The following SLC39A11 variants were observed in gnomAD, a reference collection of about 807,000 sequenced individuals.
The protein encoded by SLC39A11 is solute carrier family 39 member 11, also known as zinc transporter ZIP11.
Under a neutral mutation model 36.1 loss-of-function variants are expected in SLC39A11, and 33 were observed. That is an observed-to-expected ratio of 0.91 (90% CI 0.69 to 1.22). SLC39A11 has a LOEUF of 1.22. Among genes scored for constraint, SLC39A11 ranks in the 50% most tolerant of loss-of-function variants. The probability of loss-of-function intolerance (pLI) is 0.00; values close to 1 mark genes in which losing one functional copy is unlikely to be tolerated. For missense variants in SLC39A11, 432 were observed against 430.3 expected, an observed-to-expected ratio of 1.00 and a Z score of -0.03; for synonymous variants, 166 against 170.3, an observed-to-expected ratio of 0.97 and a Z score of 0.20.
At chr17:73,088,928 C>G (rs2060834095) in intron 1 of SLC39A11, among the ~76,000 whole-genome samples, 153 bp from the exon 2 acceptor site, 1 of 152,190 alleles carries the variant, frequency 6.6e-6, no homozygotes, top group Admixed American at 6.5e-5. Context: ...CCCTCAGCCA[C>G]CCAGCACACA....
At chr17:73,026,200 G>GAAAAGAGAAGAGAAGAGAAGAGAAGA (rs1555683108) in intron 4 of SLC39A11, among the ~76,000 whole-genome samples, 1 of 126,926 alleles carries the variant, frequency 7.9e-6, no homozygotes, top group Admixed American at 8.5e-5. Flanking sequence ...AGAAGAGAAG[G>GAAAAGAGAAGAGAAGAGAAGAGAAGA]GAAGAGAAGA....
intron 4 of SLC39A11, among the ~76,000 whole-genome samples, chr17:72,992,106 C>G (rs1427449728): frequency 6.6e-6 from 1 of 152,184 alleles, no homozygotes; most frequent in Admixed American, 6.5e-5. Context: ...AATCCCAGCA[C>G]TTTGGGAGGC....
At chr17:73,026,628 G>A (rs1390526921) in intron 4 of SLC39A11, among the ~76,000 whole-genome samples, 1 of 152,000 alleles carries the variant, frequency 6.6e-6, no homozygotes, top group African/African-American at 2.4e-5. Flanking sequence ...TGGTTGGTCT[G>A]GGGGAAAAGA....
At chr17:72,675,851 G>T (rs1021426312) in intron 7 of SLC39A11, among the ~76,000 whole-genome samples, 1 of 152,114 alleles carries the variant, frequency 6.6e-6, no homozygotes, top group Non-Finnish European at 1.5e-5. Flanking sequence ...GGCTAATTTT[G>T]TATTTTTAGT....
intron 7 of SLC39A11, among the ~76,000 whole-genome samples, chr17:72,685,897 G>T (rs543156288): frequency 1.3e-5 from 2 of 152,146 alleles, no homozygotes; most frequent in Admixed American, 1.3e-4. Flanking sequence ...TTAGCCAGGC[G>T]TGGTGGTATA....
intron 3 of SLC39A11, among the ~76,000 whole-genome samples, chr17:73,059,911 G>C (rs980362615): frequency 1.3e-5 from 2 of 152,006 alleles, no homozygotes; most frequent in Admixed American, 6.6e-5. Flanking sequence ...TCATGTGAAA[G>C]AAATTTTATT....
intron 7 of SLC39A11, among the ~76,000 whole-genome samples, chr17:72,733,106 C>T (rs751297626): frequency 1.3e-5 from 2 of 152,196 alleles, no homozygotes; most frequent in Admixed American, 6.5e-5. Context: ...GGCAAGGGCA[C>T]GGCTCCATCC....
chr17:72,752,762 C>T (rs947512998), intron 6 of SLC39A11, among the ~76,000 whole-genome samples: 1 of 152,150 alleles, frequency 6.6e-6, no homozygotes, highest in Non-Finnish European at 1.5e-5. Context: ...AAGTCTGATG[C>T]TAATTCCATT....
intron 7 of SLC39A11, among the ~76,000 whole-genome samples, chr17:72,695,679 T>C (rs1353058475): frequency 2.0e-5 from 3 of 152,190 alleles, no homozygotes; most frequent in African/African-American, 4.8e-5. Context: ...TTCTAGATTA[T>C]CTAGGTGGGC....
intron 7 of SLC39A11, among the ~76,000 whole-genome samples, chr17:72,699,701 G>C (rs1478026837): frequency 2.0e-5 from 3 of 152,256 alleles, no homozygotes; most frequent in Non-Finnish European, 2.9e-5. Flanking sequence ...TCTGGGGACA[G>C]AGCAACCCTG....
intron 7 of SLC39A11, among the ~76,000 whole-genome samples, chr17:72,669,733 C>G (rs2070910923): frequency 6.6e-6 from 1 of 151,982 alleles, no homozygotes; most frequent in Admixed American, 6.6e-5. Context: ...GTGGCTTAAG[C>G]CTGTAATCCT....
intron 7 of SLC39A11, among the ~76,000 whole-genome samples, chr17:72,705,609 G>A (rs1358008804): frequency 6.6e-6 from 1 of 152,156 alleles, no homozygotes; most frequent in Non-Finnish European, 1.5e-5. Flanking sequence ...CAGACAGAGG[G>A]CTACCTAACT....
At chr17:73,075,719 G>C (rs564741956) in intron 3 of SLC39A11, among the ~76,000 whole-genome samples, 2 of 152,146 alleles carry the variant, frequency 1.3e-5, no homozygotes, top group Admixed American at 6.5e-5. Flanking sequence ...TAGGCGTGGT[G>C]GTGGGTGCCT....
At chr17:72,909,750 C>CTTTTTTTTT (rs56091262) in intron 5 of SLC39A11, among the ~76,000 whole-genome samples, 1 of 144,654 alleles carries the variant, frequency 6.9e-6, no homozygotes. Flanking sequence ...TTTCTTTTTT[C>CTTTTTTTTT]TTTTTTTTTT....
intron 6 of SLC39A11, among the ~76,000 whole-genome samples, chr17:72,741,939 C>T (rs369472183): frequency 2.6e-5 from 4 of 152,070 alleles, no homozygotes; most frequent in East Asian, 1.9e-4. Flanking sequence ...GTGGCTCCCG[C>T]GCCTGTAATC....
intron 3 of SLC39A11, among the ~76,000 whole-genome samples, chr17:73,049,979 C>T (rs1267168602): frequency 1.3e-5 from 2 of 152,010 alleles, no homozygotes; most frequent in Admixed American, 1.3e-4. Context: ...AAAAATTAGC[C>T]GGGCGGAGTG....
chr17:72,721,043 G>C (rs2073643000), intron 7 of SLC39A11, among the ~76,000 whole-genome samples: 1 of 150,910 alleles, frequency 6.6e-6, no homozygotes, highest in South Asian at 2.1e-4. Context: ...TAGGTTCTGG[G>C]GCCAGAGACT....
intron 4 of SLC39A11, among the ~76,000 whole-genome samples, chr17:72,954,041 A>T (rs905231567): frequency 2.6e-5 from 4 of 151,892 alleles, no homozygotes; most frequent in Non-Finnish European, 4.4e-5. Context: ...TCGTTTTTTT[A>T]AATTTTGTAT....
intron 7 of SLC39A11, among the ~76,000 whole-genome samples, chr17:72,728,753 AC>A (rs943877997): frequency 3.3e-5 from 5 of 152,098 alleles, no homozygotes; most frequent in Admixed American, 6.5e-5. Flanking sequence ...GTGCACGTGT[AC>A]CCTGGGCCTG....
Sources: gnomAD v4.1 joint callset for allele counts (sites outside exome capture counted in the v4.1 genomes callset) on GRCh38, gnomAD v4.1.1 for gene constraint, MANE v1.5 for transcripts, NCBI Gene and HGNC (gene_info 2026-07-23, HGNC 2026-07-21) for gene names.